OTOGL: variants seen among roughly 807,000 people sequenced by gnomAD.
OTOGL encodes otogelin like.
A neutral mutation model predicts 318.5 loss-of-function variants in OTOGL; 285 were observed. The observed-to-expected ratio is 0.89, with a 90% CI of 0.81 to 0.99. The LOEUF is 0.99. Ranked by LOEUF, OTOGL falls within the 50% of genes least tolerant of loss-of-function variation. The pLI is 0.00. For synonymous variants in OTOGL, 987 were observed against 936.5 expected (o/e 1.05, Z -0.99); for missense variants, 2,899 against 2,845.6 (o/e 1.02, Z -0.43).
At chr12:80,246,173 G>T (rs914828977) in intron 11 of OTOGL, among the ~76,000 whole-genome samples, 2 of 150,550 alleles carry the variant, frequency 1.3e-5, no homozygotes, top group Non-Finnish European at 2.9e-5. Context: ...CTGCCTGATT[G>T]CCCTGGCCAG....
At chr12:80,286,386 A>G (rs1373766781) in intron 26 of OTOGL, among the ~76,000 whole-genome samples, 1 of 152,202 alleles carries the variant, frequency 6.6e-6, no homozygotes, top group Non-Finnish European at 1.5e-5. Flanking sequence ...TGCTGTCCAC[A>G]TAAAATGAGT....
Position 80,320,430 on chromosome 12 carries a change from C to A in OTOGL, c.3811C>A (p.Leu1271Ile). 1 of 1,611,898 alleles carries A rather than the reference C, an allele frequency of 6.2e-7. No homozygotes were observed. Among genetic ancestry groups the A allele is most frequent in the Non-Finnish European group, 8.5e-7 (1 of 1,178,546 alleles). Reference sequence around the variant, plus strand: ...TGCTCTATATTTTACAGCATTAGCACTTGTTTCCTTGGAATCTGCTGAAAG... The same window carrying A: ...TGCTCTATATTTTACAGCATTAGCAATTGTTTCCTTGGAATCTGCTGAAAG... ...LFKEKVSSLA[L>I]VSLESAERPN... The change falls in exon 34 of 59, where the codon CTT (leucine) becomes ATT (isoleucine). Residue 1271 changes from leucine to isoleucine, a missense_variant. By Grantham distance (5) the Leu-to-Ile change is conservative. Around this residue, in one of 3 missense-constraint regions of OTOGL, gnomAD observed 2,607 missense variants for 2,524.9 expected, o/e 1.03. Transcript: ENST00000547103.
At chr12:80,298,262 C>G (rs987703891) in intron 27 of OTOGL, among the ~76,000 whole-genome samples, 4 of 152,034 alleles carry the variant, frequency 2.6e-5, no homozygotes, top group East Asian at 1.9e-4. Context: ...TATGGGAACT[C>G]CTGGGAAGAG....
At chr12:80,149,134 T>G (rs1022254358) in intron 1 of OTOGL, among the ~76,000 whole-genome samples, 3 of 152,366 alleles carry the variant, frequency 2.0e-5, no homozygotes, top group East Asian at 1.9e-4. Context: ...GGCGCTCTGC[T>G]TTTTAGAGTT....
intron 7 of OTOGL, among the ~76,000 whole-genome samples, chr12:80,224,631 C>T (rs1446756854): frequency 6.6e-6 from 1 of 151,944 alleles, no homozygotes; most frequent in African/African-American, 2.4e-5. Flanking sequence ...GGTCTTTCAC[C>T]TCCTTGATTA....
chr12:80,247,263 C>A (rs1339682311), intron 11 of OTOGL, among the ~76,000 whole-genome samples: 1 of 148,980 alleles, frequency 6.7e-6, no homozygotes, highest in Non-Finnish European at 1.5e-5. Context: ...GTTAGGCTGT[C>A]AATTTTGGAT....
chr12:80,201,081 T>G (rs1021975701), intron 1 of OTOGL, among the ~76,000 whole-genome samples: 2 of 152,168 alleles, frequency 1.3e-5, no homozygotes, highest in Admixed American at 6.5e-5. Context: ...CCATCTGTTT[T>G]CCCAGAGGTA....
chr12:80,215,880 G>A (rs1877670745), intron 4 of OTOGL, among the ~76,000 whole-genome samples: 1 of 152,150 alleles, frequency 6.6e-6, no homozygotes, highest in Non-Finnish European at 1.5e-5. Flanking sequence ...TAGTTTGAAG[G>A]CAGAGGCAAG....
chr12:80,104,557 C>T (rs760782701), intron 1 of OTOGL, among the ~76,000 whole-genome samples: 5 of 152,000 alleles, frequency 3.3e-5, no homozygotes, highest in Middle Eastern at 3.4e-3. Context: ...TGCCTTAGTT[C>T]GTCATTGTCT....
intron 23 of OTOGL, among the ~76,000 whole-genome samples, chr12:80,271,196 C>T (rs948183883): frequency 7.9e-5 from 12 of 152,060 alleles, no homozygotes; most frequent in Admixed American, 7.9e-4. Flanking sequence ...GATTTTATCC[C>T]TTTGGCCCCA....
At chr12:80,114,543 C>T (rs924707595) in intron 1 of OTOGL, among the ~76,000 whole-genome samples, 22 of 152,204 alleles carry the variant, frequency 1.4e-4, no homozygotes, top group African/African-American at 4.8e-4. Context: ...CTGCCCTTAA[C>T]GTTTTTTTCC....
At chr12:80,203,767 A>C (rs1426652940) in intron 1 of OTOGL, among the ~76,000 whole-genome samples, 1 of 152,212 alleles carries the variant, frequency 6.6e-6, no homozygotes, top group Non-Finnish European at 1.5e-5. Flanking sequence ...TTCTTACTAG[A>C]ATGAACTAGT....
At chr12:80,201,921 A>T (rs947526735) in intron 1 of OTOGL, among the ~76,000 whole-genome samples, 4 of 152,156 alleles carry the variant, frequency 2.6e-5, no homozygotes, top group Non-Finnish European at 5.9e-5. Context: ...TAATAACCTA[A>T]TCAATCCAAA....
chr12:80,285,094 A>G (rs973934840), intron 26 of OTOGL, among the ~76,000 whole-genome samples: 3 of 152,050 alleles, frequency 2.0e-5, no homozygotes, highest in African/African-American at 7.2e-5. Context: ...TTTTCCGCAT[A>G]TGGTTAACTT....
Position 80,265,136 on chromosome 12 carries a change from C to A in OTOGL, c.2150C>A (p.Ala717Asp). The change falls in exon 20 of 59, where the codon GCT (alanine) becomes GAT (aspartate). Residue 717 changes from alanine to aspartate, a missense_variant. By Grantham distance (126) the Ala-to-Asp change is moderately radical. Around this residue, in one of 3 missense-constraint regions of OTOGL, gnomAD observed 2,607 missense variants for 2,524.9 expected, o/e 1.03. Transcript: ENST00000547103. ...CKCGSSCLCN[A>D]LAHYAYLCGQ... Reference sequence around the variant, plus strand: ...TGTGGAAGCTCCTGCCTGTGCAATGCTCTTGCCCACTATGCCTACCTCTGC... The same window carrying A: ...TGTGGAAGCTCCTGCCTGTGCAATGATCTTGCCCACTATGCCTACCTCTGC... 1 of 1,613,890 alleles carries A rather than the reference C, an allele frequency of 6.2e-7. No homozygotes were observed. The highest frequency in any genetic ancestry group is 1.1e-5 in the South Asian group (1 of 91,086).
At chr12:80,266,305 C>T (rs1424337800) in intron 20 of OTOGL, 146 bp from the exon 21 acceptor site, 15 of 800,384 alleles carry the variant, frequency 1.9e-5, no homozygotes, top group Non-Finnish European at 2.7e-5. Flanking sequence ...GAGGATGTTG[C>T]TCTTTGAGCA....
chr12:80,162,724 C>T (rs756480291), intron 1 of OTOGL, among the ~76,000 whole-genome samples: 22 of 152,056 alleles, frequency 1.4e-4, no homozygotes, highest in Non-Finnish European at 2.5e-4. Flanking sequence ...TGAGGGCCCA[C>T]CCTCCTGGTC....
chr12:80,257,341 G>A (rs981496133), intron 17 of OTOGL, among the ~76,000 whole-genome samples: 2 of 150,298 alleles, frequency 1.3e-5, no homozygotes, highest in Non-Finnish European at 2.9e-5. Context: ...TATGACAACA[G>A]TGTAGAAGTG....
chr12:80,310,609 A>T lies in OTOGL; in HGVS notation c.3334-2A>T, dbSNP rs1186110139. 1 of 1,566,798 alleles carries T rather than the reference A, an allele frequency of 6.4e-7. No individual in the cohort carries two copies. The highest frequency in any genetic ancestry group is 8.7e-7 in the Non-Finnish European group (1 of 1,154,750). On this transcript the variant is annotated splice_acceptor_variant, in intron 29 of 58. Coordinates refer to ENST00000547103, the MANE Select transcript of OTOGL (RefSeq NM_001378609.3). LOFTEE classifies it high-confidence loss of function. ...CTTTTCTCTCTTAAATTTTTTCAAC[A>T]GTGTGAAAGTCCAGATGAAACAATT...
Sources: gnomAD v4.1 joint callset for allele counts (sites outside exome capture counted in the v4.1 genomes callset) on GRCh38, gnomAD v4.1.1 for gene constraint, gnomAD v4.1.1 regional missense constraint, MANE v1.5 for transcripts, NCBI Gene and HGNC (gene_info 2026-07-23, HGNC 2026-07-21) for gene names.